Variants in DACH1 observed in about 807,000 individuals in gnomAD.
DACH1 encodes the protein dachshund family transcription factor 1.
In DACH1, 12 loss-of-function variants were observed where a neutral mutation model predicts 54.2. The ratio of observed to expected loss-of-function variants is 0.22; its 90% confidence interval spans 0.14 to 0.36. The LOEUF (loss-of-function observed/expected upper bound fraction) is 0.36. DACH1 is among the 10% of genes least tolerant of loss of function. The pLI, the probability that DACH1 is intolerant of heterozygous loss-of-function variation, is 1.00. For synonymous variants in DACH1, 386 were observed against 366.2 expected (o/e 1.05, Z -0.62); for missense variants, 805 against 929.8 (o/e 0.87, Z 1.75).
chr13:71,502,408 G>A (rs1879994224), intron 6 of DACH1, among the ~76,000 whole-genome samples: 2 of 152,142 alleles, frequency 1.3e-5, no homozygotes, highest in South Asian at 4.1e-4. Context: ...AGCTTATGCA[G>A]AATATCTCTT....
chr13:71,594,439 G>A (rs904114853), intron 3 of DACH1, among the ~76,000 whole-genome samples: 8 of 151,886 alleles, frequency 5.3e-5, no homozygotes, highest in African/African-American at 7.2e-5. Flanking sequence ...TACATCAATG[G>A]AAATTTCTCT....
chr13:71,765,980 G>A (rs1015880199), intron 1 of DACH1, among the ~76,000 whole-genome samples: 10 of 150,788 alleles, frequency 6.6e-5, no homozygotes, highest in East Asian at 2.0e-4. Flanking sequence ...TCCGCCTCCC[G>A]GGTTCACACC....
At chr13:71,543,168 T>A (rs1210267172) in intron 6 of DACH1, among the ~76,000 whole-genome samples, 1 of 152,132 alleles carries the variant, frequency 6.6e-6, no homozygotes, top group African/African-American at 2.4e-5. Flanking sequence ...TTAGGTTGTA[T>A]GTTTATTGGG....
At chr13:71,570,622 T>C (rs1291539460) in intron 4 of DACH1, among the ~76,000 whole-genome samples, 1 of 152,198 alleles carries the variant, frequency 6.6e-6, no homozygotes, top group Non-Finnish European at 1.5e-5. Flanking sequence ...AGAAGTGAGA[T>C]ATCTCTATGA....
At position 71,543,868 on chromosome 13, in the gene DACH1, C is replaced by T. The variant is rs1433069466; in HGVS notation, c.1570+13156G>A. Among the ~76,000 whole-genome samples the T allele has an allele frequency of 2.0e-5, 3 of 152,122 alleles. No individual in the cohort carries two copies. In the East Asian group the frequency reaches 5.8e-4, roughly 29 times the overall value. ...CGTAGATTTAAATAGACTACTTCTGCTAAGATTCCCCAAGAAGAACCACAC... is the reference window on the plus strand; with the variant it reads ...CGTAGATTTAAATAGACTACTTCTGTTAAGATTCCCCAAGAAGAACCACAC... On this transcript the variant is annotated intron_variant, in intron 6 of 10. Coordinates refer to ENST00000613252, the MANE Select transcript of DACH1 (RefSeq NM_080759.6).
chr13:71,616,849 T>A (rs1255578070), intron 3 of DACH1, among the ~76,000 whole-genome samples: 3 of 151,934 alleles, frequency 2.0e-5, no homozygotes, highest in African/African-American at 7.3e-5. Context: ...GACATTTAAA[T>A]ATTTGTTTCT....
chr13:71,619,581 A>G (rs937246241), intron 3 of DACH1, among the ~76,000 whole-genome samples: 2 of 152,006 alleles, frequency 1.3e-5, no homozygotes, highest in Non-Finnish European at 2.9e-5. Context: ...TTGAAATTGT[A>G]CTTCAGTGAA....
Position 71,866,422 on chromosome 13 carries a change from G to T in DACH1, c.348C>A (p.Gly116=). The T allele has an allele frequency of 7.0e-7, 1 of 1,419,396 alleles. No homozygotes were observed. The allele number at this position is 1,419,396 out of a possible 1,614,324, so 87.9% of individuals were successfully genotyped here. Residue 116 remains glycine (G), a synonymous_variant, in exon 1 of 11, where the codon GGC becomes GGA. Transcript: ENST00000613252. ...PNLAAASNGS[G]GGGGGISAGG... is the part of the protein sequence containing the mutation. ...CAGCGCTGATGCCGCCGCCGCCGCC[G>T]CCGCTGCCGTTGCTCGCGGCCGCCA...
chr13:71,824,686 C>G (rs548377235), intron 1 of DACH1, among the ~76,000 whole-genome samples: 2 of 152,070 alleles, frequency 1.3e-5, no homozygotes, highest in African/African-American at 4.8e-5. Context: ...TTCTCGTCCC[C>G]AGGGTATTAT....
At chr13:71,818,220 A>C (rs1888043215) in intron 1 of DACH1, among the ~76,000 whole-genome samples, 1 of 152,212 alleles carries the variant, frequency 6.6e-6, no homozygotes, top group African/African-American at 2.4e-5. Context: ...AATAAGAAAC[A>C]AGAAAATAAA....
chr13:71,616,881 T>G (rs1434540789), intron 3 of DACH1, among the ~76,000 whole-genome samples: 1 of 132,326 alleles, frequency 7.6e-6, no homozygotes, highest in Non-Finnish European at 1.7e-5. Flanking sequence ...GGGGTTCAAT[T>G]TTTTTTTTTT....
chr13:71,803,999 T>A (rs1319652602), intron 1 of DACH1, among the ~76,000 whole-genome samples: 1 of 152,046 alleles, frequency 6.6e-6, no homozygotes, highest in East Asian at 1.9e-4. Context: ...GAGGAACAGA[T>A]TGGCTTTTTA....
chr13:71,534,775 TAAA>T (rs1882650413), intron 6 of DACH1, among the ~76,000 whole-genome samples: 1 of 151,818 alleles, frequency 6.6e-6, no homozygotes, highest in African/African-American at 2.4e-5. Flanking sequence ...ATAAAAATAA[TAAA>T]GTTATAACTC....
At chr13:71,830,677 A>C (rs548840676) in intron 1 of DACH1, among the ~76,000 whole-genome samples, 1 of 152,002 alleles carries the variant, frequency 6.6e-6, no homozygotes, top group African/African-American at 2.4e-5. Context: ...CAAGAAAGTA[A>C]ATGAGAGCAA....
chr13:71,516,428 T>G (rs939283751), intron 6 of DACH1, among the ~76,000 whole-genome samples: 3 of 151,844 alleles, frequency 2.0e-5, no homozygotes, highest in African/African-American at 4.8e-5. Flanking sequence ...TAATAGGTCC[T>G]TTGGAAAAAT....
chr13:71,597,880 G>A (rs1437668174), intron 3 of DACH1, among the ~76,000 whole-genome samples: 1 of 152,136 alleles, frequency 6.6e-6, no homozygotes, highest in Non-Finnish European at 1.5e-5. Flanking sequence ...ACTCTGGAAG[G>A]CTGAGGTGGG....
intron 6 of DACH1, among the ~76,000 whole-genome samples, chr13:71,508,802 T>C (rs1205182710): frequency 2.6e-5 from 4 of 152,124 alleles, no homozygotes; most frequent in African/African-American, 7.2e-5. Context: ...ATGGCTGTAG[T>C]TTGAGTTTAT....
At chr13:71,537,560 G>A (rs1315365478) in intron 6 of DACH1, among the ~76,000 whole-genome samples, 2 of 152,106 alleles carry the variant, frequency 1.3e-5, no homozygotes, top group African/African-American at 2.4e-5. Flanking sequence ...AAAGGCAGAA[G>A]TAGGGAAAAG....
At chr13:71,799,989 G>A (rs748673795) in intron 1 of DACH1, among the ~76,000 whole-genome samples, 35 of 152,146 alleles carry the variant, frequency 2.3e-4, no homozygotes, top group Admixed American at 7.2e-4. Context: ...TAGGAGTTAC[G>A]TGGGGTGGGG....
Sources: allele counts gnomAD v4.1 joint callset (sites outside exome capture counted in the v4.1 genomes callset), GRCh38; gene constraint gnomAD v4.1.1; transcripts MANE v1.5; gene names NCBI Gene and HGNC (gene_info 2026-07-23, HGNC 2026-07-21).